Variants in KCNQ1OT1 observed in about 807,000 individuals in gnomAD.
KCNQ1OT1 encodes KCNQ1 opposite strand/antisense transcript 1.
chr11:2,610,808 G>A (rs927142187), exon 1 of KCNQ1OT1: 13 of 291,314 alleles, frequency 4.5e-5, no homozygotes, highest in Non-Finnish European at 7.1e-5. Flanking sequence ...CTGACGAAAA[G>A]TCAGCTCCAC....
exon 1 of KCNQ1OT1, chr11:2,649,238 T>TA (rs1361493555): frequency 2.5e-6 from 1 of 398,428 alleles, no homozygotes; most frequent in Admixed American, 4.4e-5. Flanking sequence ...GGTGAGGACT[T>TA]ACTCCTGTCA....
exon 1 of KCNQ1OT1, chr11:2,650,658 C>A: frequency 2.5e-6 from 1 of 398,638 alleles, no homozygotes; most frequent in African/African-American, 2.1e-5. Flanking sequence ...AACTTTTTGA[C>A]AAAGCATTTT....
exon 1 of KCNQ1OT1, chr11:2,630,511 C>G: frequency 2.5e-6 from 1 of 398,220 alleles, no homozygotes; most frequent in East Asian, 3.6e-5. Flanking sequence ...TTTGATGCCC[C>G]AAGGTACACC....
In KCNQ1OT1 at chr11:2,659,730, C is replaced by T. The variant is rs1184845164; in HGVS notation, n.40265G>A. 6 of 398,290 alleles carry T rather than the reference C, an allele frequency of 1.5e-5. No individual in the cohort carries two copies. The highest frequency in any genetic ancestry group is 8.8e-5 in the Admixed American group (2 of 22,716). The allele number at this position is 398,290 out of a possible 1,614,324, so 24.7% of individuals were successfully genotyped here. On this transcript the variant is annotated non_coding_transcript_exon_variant, in exon 1 of 1. Coordinates refer to ENST00000597346, the Ensembl canonical transcript of KCNQ1OT1. The surrounding 1 kb of genome is among the most constrained non-coding windows in gnomAD (Gnocchi z 4.3). ...TTCCCACCAGTAACATATGAGAGTTCTACATGTTCCACATCCTCAAGAGTG... is the reference window on the plus strand; with the variant it reads ...TTCCCACCAGTAACATATGAGAGTTTTACATGTTCCACATCCTCAAGAGTG...
At chr11:2,628,965 T>C (rs961087279) in exon 1 of KCNQ1OT1, 8 of 398,312 alleles carry the variant, frequency 2.0e-5, no homozygotes, top group Non-Finnish European at 3.1e-5. Context: ...TTCTGTTCCA[T>C]TGGTTTATTT....
In KCNQ1OT1 at chr11:2,690,992, A is replaced by G. The variant is rs188016721; in HGVS notation, n.9003T>C. ...TCAACAAAAGCCCACCAGACCATCA[A>G]TGAAGTGGGCAAAAGCTCTGGGTGA... On this transcript the variant is annotated non_coding_transcript_exon_variant, in exon 1 of 1. Transcript: ENST00000597346. The surrounding 1 kb of genome is among the most constrained non-coding windows in gnomAD (Gnocchi z 5.1). The G allele has an allele frequency of 9.0e-5, 36 of 398,664 alleles. No individual in the cohort carries two copies. The highest frequency in any genetic ancestry group is 7.9e-4 in the Admixed American group (18 of 22,738). The allele number at this position is 398,664 out of a possible 1,614,324, so 24.7% of individuals were successfully genotyped here. A position where few individuals can be genotyped will look rare whatever the true frequency, so the allele number is the denominator to read the frequency against.
exon 1 of KCNQ1OT1, chr11:2,667,774 G>A (rs1850108970): frequency 2.5e-6 from 1 of 398,606 alleles, no homozygotes; most frequent in Admixed American, 4.4e-5. Context: ...TGAAGGCCAG[G>A]GCTATCCACC....
chr11:2,633,272 A>G, exon 1 of KCNQ1OT1: 2 of 398,484 alleles, frequency 5.0e-6, no homozygotes, highest in Non-Finnish European at 8.8e-6. Context: ...AATTCCTTGT[A>G]TATTCCGGAT....
At chr11:2,619,937 G>A in exon 1 of KCNQ1OT1, 1 of 381,994 alleles carries the variant, frequency 2.6e-6, no homozygotes, top group Non-Finnish European at 4.6e-6. Context: ...GCATGATGAT[G>A]AGGTTTGGAG....
exon 1 of KCNQ1OT1, chr11:2,640,709 T>G (rs1407240903): frequency 7.5e-6 from 3 of 398,484 alleles, no homozygotes; most frequent in Non-Finnish European, 1.3e-5. Context: ...GTCCTCTTTT[T>G]TATTTTGAAA....
At chr11:2,631,271 C>A (rs1849348441) in exon 1 of KCNQ1OT1, 2 of 398,478 alleles carry the variant, frequency 5.0e-6, no homozygotes. Context: ...TCCCTTGTTA[C>A]CTTTTCATTC....
exon 1 of KCNQ1OT1, chr11:2,625,254 A>G: frequency 2.5e-6 from 1 of 398,640 alleles, no homozygotes; most frequent in Non-Finnish European, 4.4e-6. Context: ...TTTTCTGTTT[A>G]TGTGGGATTT....
In KCNQ1OT1 at chr11:2,669,627, C is replaced by T. The variant is rs1362456958; in HGVS notation, n.30368G>A. 3 of 398,520 alleles carry T rather than the reference C, an allele frequency of 7.5e-6. No homozygotes were observed. The highest frequency in any genetic ancestry group is 4.1e-5 in the African/African-American group (2 of 48,638). The allele number at this position is 398,520 out of a possible 1,614,324, so 24.7% of individuals were successfully genotyped here. ...GCAGTCACCTAATCTCTATCAGCCT[C>T]AGTTTCCTCTTGTATACATTGGGAG... On this transcript the variant is annotated non_coding_transcript_exon_variant, in exon 1 of 1. Coordinates refer to ENST00000597346, the Ensembl canonical transcript of KCNQ1OT1. This position sits in a 1 kb window ranked among gnomAD's most constrained non-coding sequence, Gnocchi z 5.6.
exon 1 of KCNQ1OT1, chr11:2,666,444 A>T (rs548070735): frequency 2.5e-6 from 1 of 398,560 alleles, no homozygotes; most frequent in Non-Finnish European, 4.4e-6. Context: ...CATGTCTTCA[A>T]CTTTCTCCTG....
chr11:2,689,649 C>T (rs1252578994), exon 1 of KCNQ1OT1: 2 of 398,592 alleles, frequency 5.0e-6, no homozygotes, highest in Admixed American at 8.8e-5. Flanking sequence ...GTGCAGAGGT[C>T]ACAAGCCTCC....
At chr11:2,655,772 C>T (rs1191256803) in exon 1 of KCNQ1OT1, 1 of 396,444 alleles carries the variant, frequency 2.5e-6, no homozygotes, top group Non-Finnish European at 4.4e-6. Context: ...GCTCTGGTCA[C>T]TGCCTCCCTG....
At chr11:2,634,866 G>A (rs1849431637) in exon 1 of KCNQ1OT1, 1 of 152,170 alleles carries the variant, frequency 6.6e-6, no homozygotes, top group Admixed American at 6.6e-5. Flanking sequence ...TTTAATGATT[G>A]CCATTCTAAC....
chr11:2,696,467 C>A, exon 1 of KCNQ1OT1: 1 of 398,688 alleles, frequency 2.5e-6, no homozygotes, highest in Non-Finnish European at 4.4e-6. Context: ...GCTCTGATTG[C>A]TGAAGTTGGC....
chr11:2,695,194 A>G lies in KCNQ1OT1; in HGVS notation n.4801T>C, dbSNP rs1416974854. 5.0e-6 allele frequency: 2 copies of G among 398,600 alleles called. No individual in the cohort carries two copies. The highest frequency in any genetic ancestry group is 4.4e-6 in the Non-Finnish European group (1 of 226,072). 24.7% of individuals were successfully genotyped at this position (398,600 alleles called of 1,614,324 possible). A position where few individuals can be genotyped will look rare whatever the true frequency, so the allele number is the denominator to read the frequency against. On this transcript the variant is annotated non_coding_transcript_exon_variant, in exon 1 of 1. Transcript: ENST00000597346. The surrounding 1 kb of genome is among the most constrained non-coding windows in gnomAD (Gnocchi z 5.2). ...TTGATCACAGCCCTCAGCCTATGAA[A>G]CACTGTCACCCTGTAAGGGTCTGCA... is the stretch of plus-strand genomic sequence containing the variant.
Sources: allele counts gnomAD v4.1 joint callset, GRCh38; gene constraint gnomAD v4.1.1; non-coding constraint Gnocchi (gnomAD v3.1); transcripts MANE v1.5; gene names NCBI Gene and HGNC (gene_info 2026-07-23, HGNC 2026-07-21).